SLC9A9: variants seen among roughly 807,000 people sequenced by gnomAD.
The protein encoded by SLC9A9 is solute carrier family 9 member A9, also known as sodium/hydrogen exchanger 9.
In SLC9A9, 62 loss-of-function variants were observed where a neutral mutation model predicts 77.8. That is an observed-to-expected ratio of 0.80 (90% confidence interval 0.65 to 0.98). The LOEUF (loss-of-function observed/expected upper bound fraction) is 0.98. SLC9A9 is among the 50% of genes least tolerant of loss of function. SLC9A9 has a pLI of 0.00. For missense variants in SLC9A9, 775 were observed against 774.9 expected (o/e 1.00, Z 0.00); for synonymous variants, 320 against 283.5 (o/e 1.13, Z -1.29).
At position 143,467,157 on chromosome 3, in the gene SLC9A9, A is replaced by G; in HGVS notation, c.1349T>C (p.Ile450Thr). The G allele has an allele frequency of 6.2e-7, 1 of 1,614,214 alleles. No homozygotes were observed. Among genetic ancestry groups the G allele is most frequent in the Non-Finnish European group, 8.5e-7 (1 of 1,180,028 alleles). The change falls in exon 12 of 16, where the codon ATT becomes ACT. Residue 450 changes from isoleucine (I) to threonine (T), a missense_variant. By Grantham distance (89) the Ile-to-Thr change is moderately conservative (BLOSUM62 -1). Coordinates refer to ENST00000316549, the MANE Select transcript of SLC9A9 (RefSeq NM_173653.4). ...LRGAIAFALAIRNTESQPKQM... is the reference protein window; with the variant it reads ...LRGAIAFALATRNTESQPKQM... Reference sequence around the variant, plus strand: ...TTTGGGCTGAGATTCTGTGTTCCGAATAGCTAAGGCAAATGCGATCGCTCC... The same window carrying G: ...TTTGGGCTGAGATTCTGTGTTCCGAGTAGCTAAGGCAAATGCGATCGCTCC...
chr3:143,292,777 T>C (rs1254920233), intron 14 of SLC9A9, among the ~76,000 whole-genome samples: 1 of 152,168 alleles, frequency 6.6e-6, no homozygotes, highest in African/African-American at 2.4e-5. Context: ...TTTAAGGATC[T>C]CTTGCAAAAT....
intron 8 of SLC9A9, among the ~76,000 whole-genome samples, chr3:143,555,581 T>G (rs955109222): frequency 6.6e-6 from 1 of 152,234 alleles, no homozygotes; most frequent in African/African-American, 2.4e-5. Flanking sequence ...AAATAGTCCA[T>G]AGCATCCCTG....
intron 9 of SLC9A9, among the ~76,000 whole-genome samples, chr3:143,518,682 T>C (rs984606601): frequency 6.6e-6 from 1 of 152,254 alleles, no homozygotes; most frequent in African/African-American, 2.4e-5. Flanking sequence ...ATTTAGTTCT[T>C]GAAATTCACC....
At chr3:143,771,031 A>G (rs2007499109) in intron 4 of SLC9A9, among the ~76,000 whole-genome samples, 1 of 152,148 alleles carries the variant, frequency 6.6e-6, no homozygotes, top group Non-Finnish European at 1.5e-5. Context: ...AAAAAAAAAG[A>G]TGCTCAGCCT....
rs112919443 is a variant in SLC9A9, at chr3:143,319,795, G to T, written c.1604+43689C>A. ...TGCTGAAATTGAAATTTAAAACCTCGCAAGAAACATCTGCAAGCTTATCTG... is the reference window on the plus strand; with the variant it reads ...TGCTGAAATTGAAATTTAAAACCTCTCAAGAAACATCTGCAAGCTTATCTG... On this transcript the variant is annotated intron_variant, in intron 14 of 15. Coordinates refer to ENST00000316549, the MANE Select transcript of SLC9A9 (RefSeq NM_173653.4). 2.8e-3 allele frequency among the ~76,000 whole-genome samples: 427 copies of T among 152,304 alleles called. 4 individuals carry two copies. Among genetic ancestry groups the T allele is most frequent in the African/African-American group, 9.6e-3 (399 of 41,566 alleles).
intron 14 of SLC9A9, among the ~76,000 whole-genome samples, chr3:143,303,373 CTTTTTTTTTT>C (rs112101322): frequency 1.1e-4 from 16 of 142,678 alleles, no homozygotes; most frequent in Non-Finnish European, 2.0e-4. Context: ...TTTTTCTTTT[CTTTTTTTTTT>C]TTTGAGGGAA....
At chr3:143,666,017 A>C (rs2039059343) in intron 5 of SLC9A9, among the ~76,000 whole-genome samples, 1 of 152,166 alleles carries the variant, frequency 6.6e-6, no homozygotes, top group South Asian at 2.1e-4. Context: ...AGCTTGGCAG[A>C]GACACGACTA....
chr3:143,437,586 G>A (rs1310460192), intron 12 of SLC9A9, among the ~76,000 whole-genome samples: 2 of 152,256 alleles, frequency 1.3e-5, no homozygotes, highest in Non-Finnish European at 2.9e-5. Context: ...AGAGGCCCGA[G>A]GCCGCTCAAC....
At chr3:143,686,911 T>C (rs1933290632) in intron 5 of SLC9A9, among the ~76,000 whole-genome samples, 3 of 151,780 alleles carry the variant, frequency 2.0e-5, no homozygotes, top group Admixed American at 2.0e-4. Flanking sequence ...GTCTCTGTTT[T>C]TTGCACACAC....
intron 6 of SLC9A9, among the ~76,000 whole-genome samples, chr3:143,611,246 T>A (rs951034440): frequency 2.4e-4 from 37 of 151,990 alleles, no homozygotes; most frequent in African/African-American, 8.9e-4. Context: ...GATGTTTGAG[T>A]GAGTGATATA....
At chr3:143,800,664 A>G (rs558989756) in intron 2 of SLC9A9, among the ~76,000 whole-genome samples, 5 of 152,200 alleles carry the variant, frequency 3.3e-5, no homozygotes, top group Non-Finnish European at 7.3e-5. Flanking sequence ...CTTCAGGGAC[A>G]GCCCTCATTA....
chr3:143,568,268 C>A (rs951153555), intron 8 of SLC9A9, among the ~76,000 whole-genome samples: 8 of 152,008 alleles, frequency 5.3e-5, no homozygotes, highest in African/African-American at 1.9e-4. Context: ...GTCTAGTTGT[C>A]CTACCTTCAG....
At chr3:143,521,076 T>C (rs1038034851) in intron 9 of SLC9A9, among the ~76,000 whole-genome samples, 5 of 152,190 alleles carry the variant, frequency 3.3e-5, no homozygotes, top group Admixed American at 1.3e-4. Flanking sequence ...AAAATAACTT[T>C]GATGAGCAAA....
At chr3:143,799,220 C>A (rs2008479300) in intron 2 of SLC9A9, among the ~76,000 whole-genome samples, 1 of 151,964 alleles carries the variant, frequency 6.6e-6, no homozygotes. Context: ...CATTTGGCAA[C>A]AACCCTTAGA....
At chr3:143,293,571 T>C (rs2030113243) in intron 14 of SLC9A9, among the ~76,000 whole-genome samples, 1 of 152,206 alleles carries the variant, frequency 6.6e-6, no homozygotes, top group Non-Finnish European at 1.5e-5. Context: ...AAGAGGACTT[T>C]CAAAATGAAA....
intron 12 of SLC9A9, among the ~76,000 whole-genome samples, chr3:143,397,218 G>A (rs1195486101): frequency 6.6e-6 from 1 of 152,230 alleles, no homozygotes; most frequent in Non-Finnish European, 1.5e-5. Context: ...GCTTATCAAG[G>A]CATCTGGCCT....
chr3:143,827,874 G>A (rs184488585), intron 2 of SLC9A9, among the ~76,000 whole-genome samples: 231 of 152,232 alleles, frequency 1.5e-3, no homozygotes, highest in Non-Finnish European at 1.6e-3. Flanking sequence ...CACACTAATG[G>A]CTTCTGTGAC....
intron 9 of SLC9A9, among the ~76,000 whole-genome samples, chr3:143,550,078 G>A (rs776143779): frequency 2.6e-5 from 4 of 152,144 alleles, no homozygotes; most frequent in Non-Finnish European, 5.9e-5. Flanking sequence ...CAGAGGGGAA[G>A]GGTGACCTCG....
chr3:143,736,113 C>T (rs1388209804), intron 4 of SLC9A9, among the ~76,000 whole-genome samples: 1 of 152,154 alleles, frequency 6.6e-6, no homozygotes, highest in Non-Finnish European at 1.5e-5. Context: ...CCATTTGGCT[C>T]ATTGAACTTC....
Sources: gnomAD v4.1 joint callset for allele counts (sites outside exome capture counted in the v4.1 genomes callset) on GRCh38, gnomAD v4.1.1 for gene constraint, MANE v1.5 for transcripts, NCBI Gene and HGNC (gene_info 2026-07-23, HGNC 2026-07-21) for gene names.